Variants in AP2A1 observed in about 807,000 individuals in gnomAD.
The protein encoded by AP2A1 is AP-2 complex subunit alpha-1.
AP2A1 carries 21 observed loss-of-function variants against 107.3 expected under a neutral mutation model. The observed-to-expected ratio is 0.20, with a 90% confidence interval of 0.14 to 0.28. The LOEUF (loss-of-function observed/expected upper bound fraction) is 0.28, where lower values mean the gene tolerates loss of function less well. AP2A1 is among the 10% of genes least tolerant of loss of function. The pLI is 1.00. For synonymous variants in AP2A1, 602 were observed against 564.8 expected (o/e 1.07, Z -0.93); for missense variants, 873 against 1,307.7 (o/e 0.67, Z 5.13).
At position 49,785,586 on chromosome 19, in the gene AP2A1, G is replaced by C. The variant is rs2084727323; in HGVS notation, c.473+2862G>C. On this transcript the variant is annotated intron_variant, in intron 4 of 22. Coordinates refer to ENST00000354293, the MANE Select transcript of AP2A1 (RefSeq NM_130787.3). This position sits in a 1 kb window ranked among gnomAD's most constrained non-coding sequence, Gnocchi z 4.1. The stretch of plus-strand genomic sequence containing the variant: ...AGGGAGTCAGGGCGGGAGGGAGAGA[G>C]ATCTGAGAGAGATCGGCACCGTCCA... Among the ~76,000 whole-genome samples the C allele has an allele frequency of 6.6e-6, 1 of 151,906 alleles. No individual in the cohort carries two copies. The highest frequency in any genetic ancestry group is 2.4e-5 in the African/African-American group (1 of 41,334).
chr19:49,802,465 C>G, intron 15 of AP2A1: 1 of 1,486,756 alleles, frequency 6.7e-7, no homozygotes, highest in Non-Finnish European at 9.2e-7. Flanking sequence ...TGCCCTCTCG[C>G]TGCCTATGTG....
intron 8 of AP2A1, 35 bp downstream of exon 8, chr19:49,798,987 G>A (rs1211390758): frequency 1.9e-6 from 3 of 1,551,224 alleles, no homozygotes; most frequent in Non-Finnish European, 2.6e-6. Context: ...CTGATGCCTG[G>A]GGCCAGGAAA....
intron 3 of AP2A1, 144 bp from the exon 4 acceptor site, chr19:49,782,387 G>A: frequency 1.1e-6 from 1 of 894,986 alleles, no homozygotes; most frequent in Non-Finnish European, 1.6e-6. Flanking sequence ...GCCTGGACTT[G>A]TGGGTCTGAG....
intron 15 of AP2A1, 21 bp from the exon 16 acceptor site, chr19:49,802,928 C>A (rs375972097): frequency 1.2e-6 from 2 of 1,610,378 alleles, no homozygotes; most frequent in African/African-American, 1.3e-5. Context: ...CTTCCCATCT[C>A]ACTCTGCTCC....
At chr19:49,769,985 C>T (rs1391318634) in intron 1 of AP2A1, among the ~76,000 whole-genome samples, 4 of 152,120 alleles carry the variant, frequency 2.6e-5, no homozygotes, top group Middle Eastern at 3.2e-3. Context: ...TCTCGTGCCT[C>T]AGCCTCCCCG....
intron 11 of AP2A1, 149 bp from the exon 12 acceptor site, chr19:49,800,812 C>T: frequency 1.6e-6 from 1 of 614,344 alleles, no homozygotes; most frequent in South Asian, 2.1e-5. Flanking sequence ...GGGCCCGTCA[C>T]TCAACCTTTC....
chr19:49,794,820 G>A (rs1028161285), intron 6 of AP2A1, among the ~76,000 whole-genome samples: 2 of 152,124 alleles, frequency 1.3e-5, no homozygotes, highest in Admixed American at 6.5e-5. Context: ...GTGCCACCAC[G>A]CCCAGCTAAT....
intron 6 of AP2A1, 72 bp from the exon 7 acceptor site, chr19:49,795,558 C>T (rs928862628): frequency 9.5e-5 from 98 of 1,036,320 alleles, no homozygotes; most frequent in Non-Finnish European, 1.3e-4. Context: ...ACCATTTGCT[C>T]CACCCTGGCA....
chr19:49,798,411 C>T (rs925011948), intron 7 of AP2A1, among the ~76,000 whole-genome samples: 1 of 152,100 alleles, frequency 6.6e-6, no homozygotes, highest in Non-Finnish European at 1.5e-5. Flanking sequence ...TCACACCAGT[C>T]CTTGGGAAGG....
chr19:49,803,207 G>T lies in AP2A1; in HGVS notation c.2254+18G>T. On this transcript the variant is annotated intron_variant, in intron 17 of 22. Transcript: ENST00000354293. ...GAACCTGGGTGTGTCCCGGGGGACT[G>T]TGGGAATGGGTCGGAGGGAGACCTT... 6.2e-7 allele frequency: 1 copy of T among 1,613,920 alleles called. No individual in the cohort carries two copies. The highest frequency in any genetic ancestry group is 1.1e-5 in the South Asian group (1 of 91,080).
chr19:49,807,050 T>A lies in AP2A1; in HGVS notation c.*292T>A. On this transcript the variant is annotated 3_prime_UTR_variant, in exon 23 of 23. Coordinates refer to ENST00000354293, the MANE Select transcript of AP2A1 (RefSeq NM_130787.3). ...TCCCACCCCACCCTGTTGTAGCCCCTCCTACCCCCTCCCCATCCAGGGGCT... is the reference window on the plus strand; with the variant it reads ...TCCCACCCCACCCTGTTGTAGCCCCACCTACCCCCTCCCCATCCAGGGGCT... 2.2e-6 allele frequency: 1 copy of A among 463,030 alleles called. No homozygotes were observed. The allele number at this position is 463,030 out of a possible 1,614,324, so 28.7% of individuals were successfully genotyped here.
intron 1 of AP2A1, among the ~76,000 whole-genome samples, chr19:49,769,645 C>G (rs2084537532): frequency 6.6e-6 from 1 of 152,042 alleles, no homozygotes; most frequent in Non-Finnish European, 1.5e-5. Context: ...TCGGGAAAGG[C>G]TTTCTGGGCC....
At chr19:49,777,753 C>G (rs1442158728) in intron 1 of AP2A1, among the ~76,000 whole-genome samples, 1 of 151,942 alleles carries the variant, frequency 6.6e-6, no homozygotes, top group African/African-American at 2.4e-5. Flanking sequence ...TGGCAAAACC[C>G]TATCTCTACA....
At position 49,801,874 on chromosome 19, in the gene AP2A1, C is replaced by A; in HGVS notation, c.1938C>A (p.Pro646=). The A allele has an allele frequency of 6.7e-7, 1 of 1,490,538 alleles. No individual in the cohort carries two copies. 92.3% of individuals were successfully genotyped at this position (1,490,538 alleles called of 1,614,324 possible). The change falls in exon 14 of 23, where the codon CCC becomes CCA. Residue 646 remains proline (P), a synonymous_variant. Coordinates refer to ENST00000354293, the MANE Select transcript of AP2A1 (RefSeq NM_130787.3). ...SSNDINGGME[P]TPSTVSTPSP... ...ACGACATCAACGGGGGCATGGAGCC[C>A]ACCCCCAGCACTGTGGTGAGTCCCC... is the stretch of plus-strand genomic sequence containing the variant.
rs1304630822 is a variant in AP2A1 at position 49,782,024 on chromosome 19, A to G, written c.214A>G (p.Ile72Val). The change falls in exon 3 of 23, where the codon ATT (isoleucine) becomes GTT (valine). Residue 72 changes from isoleucine (I) to valine (V), a missense_variant. Transcript: ENST00000354293. ...LLFIFLLGHD[I>V]DFGHMEAVNL... ...TTTCATCTTCCTGCTTGGCCATGACATTGACTTTGGGCACATGGAGGCTGT... is the reference window on the plus strand; with the variant it reads ...TTTCATCTTCCTGCTTGGCCATGACGTTGACTTTGGGCACATGGAGGCTGT... The G allele has an allele frequency of 6.3e-6, 10 of 1,599,608 alleles. No homozygotes were observed. Among genetic ancestry groups the G allele is most frequent in the Non-Finnish European group, 7.7e-6 (9 of 1,172,844 alleles).
In AP2A1 at chr19:49,805,853, G is replaced by T; in HGVS notation, c.2586-19G>T. 1 of 1,613,580 alleles carries T rather than the reference G, an allele frequency of 6.2e-7. No homozygotes were observed. The highest frequency in any genetic ancestry group is 1.1e-5 in the South Asian group (1 of 91,072). On this transcript the variant is annotated intron_variant, in intron 20 of 22. Coordinates refer to ENST00000354293, the MANE Select transcript of AP2A1 (RefSeq NM_130787.3). ...GTCGGGCCGTCCAGGTCCCTGACTT[G>T]AACCTTCCCGGTCCCCAGCCCTCAA...
At chr19:49,782,443 C>A in intron 3 of AP2A1, 88 bp from the exon 4 acceptor site, 1 of 1,408,946 alleles carries the variant, frequency 7.1e-7, no homozygotes, top group Non-Finnish European at 9.6e-7. Context: ...GAGGTTGAAT[C>A]TGGGGCCTGG....
At chr19:49,772,246 G>GTTTTTTTTTT (rs71180653) in intron 1 of AP2A1, among the ~76,000 whole-genome samples, 8 of 56,172 alleles carry the variant, frequency 1.4e-4, no homozygotes, top group African/African-American at 4.8e-4. Context: ...TTTTCATAGA[G>GTTTTTTTTTT]TTTTTTTTTT....
chr19:49,801,823 C>A lies in AP2A1; in HGVS notation c.1887C>A (p.Asp629Glu). The A allele has an allele frequency of 6.5e-7, 1 of 1,532,236 alleles. No homozygotes were observed. Among genetic ancestry groups the A allele is most frequent in the East Asian group, 2.3e-5 (1 of 43,136 alleles). 94.9% of individuals were successfully genotyped at this position (1,532,236 alleles called of 1,614,324 possible). ...KKGPGAGSAL[D>E]DGRRDPSSND... ...GGCCAGGGGCCGGCAGCGCCCTGGA[C>A]GATGGCCGGAGGGACCCCAGCAGCA... The change falls in exon 14 of 23, where the codon GAC (aspartate) becomes GAA (glutamate). Residue 629 changes from aspartate (D) to glutamate (E), a missense_variant. Around this residue, in one of 4 missense-constraint regions of AP2A1, gnomAD observed 416 missense variants for 473.4 expected, o/e 0.88. Coordinates refer to ENST00000354293, the MANE Select transcript of AP2A1 (RefSeq NM_130787.3).
Sources: allele counts gnomAD v4.1 joint callset (sites outside exome capture counted in the v4.1 genomes callset), GRCh38; gene constraint gnomAD v4.1.1; regional missense constraint gnomAD v4.1.1; non-coding constraint Gnocchi (gnomAD v3.1); transcripts MANE v1.5; gene names NCBI Gene and HGNC (gene_info 2026-07-23, HGNC 2026-07-21).